TEAD1: variants seen among roughly 807,000 people sequenced by gnomAD.
TEAD1 encodes TEA domain transcription factor 1.
Under a neutral mutation model 54.9 loss-of-function variants are expected in TEAD1, and 9 were observed. That is an observed-to-expected ratio of 0.16 (90% confidence interval 0.10 to 0.29). The LOEUF is 0.29. Among genes scored for constraint, TEAD1 ranks in the 10% least tolerant of loss-of-function variants. TEAD1 has a pLI of 1.00. For synonymous variants in TEAD1, 200 were observed against 187.8 expected (o/e 1.07, Z -0.53); for missense variants, 387 against 535.9 (o/e 0.72, Z 2.74).
At chr11:12,700,340 A>T (rs754587440) in intron 2 of TEAD1, among the ~76,000 whole-genome samples, 2 of 152,178 alleles carry the variant, frequency 1.3e-5, no homozygotes, top group Non-Finnish European at 2.9e-5. Context: ...AGCATCATCC[A>T]TTTAAACCCT....
Position 12,802,014 on chromosome 11 carries a change from C to T in TEAD1, c.202+37580C>T, listed in dbSNP as rs762995270. ...GGTCACTGTGGAATGAGACAGAGCC[C>T]TCACTAGATTTTTGAGTCACTTGAG... On this transcript the variant is annotated intron_variant, in intron 3 of 12. Coordinates refer to ENST00000527636, the MANE Select transcript of TEAD1 (RefSeq NM_021961.6). Among the ~76,000 whole-genome samples the T allele has an allele frequency of 3.9e-5, 6 of 152,160 alleles. No homozygotes were observed. The South Asian group carries it at 1.2e-3, about 32-fold the overall frequency.
chr11:12,715,417 G>A (rs909272253), intron 2 of TEAD1, among the ~76,000 whole-genome samples: 9 of 152,154 alleles, frequency 5.9e-5, no homozygotes, highest in Admixed American at 3.3e-4. Flanking sequence ...TATGGGTCTC[G>A]GGTGATGGCT....
chr11:12,738,867 G>A (rs1944589675), intron 2 of TEAD1, among the ~76,000 whole-genome samples: 1 of 152,132 alleles, frequency 6.6e-6, no homozygotes, highest in Admixed American at 6.5e-5. Flanking sequence ...ACACACTCCA[G>A]TAAGACAAGG....
intron 3 of TEAD1, among the ~76,000 whole-genome samples, chr11:12,851,951 A>G (rs532235025): frequency 1.3e-5 from 2 of 152,340 alleles, no homozygotes; most frequent in Non-Finnish European, 1.5e-5. Context: ...GTGCAGCAGT[A>G]GCAGGGGTGC....
chr11:12,777,372 C>G (rs999444206), intron 3 of TEAD1, among the ~76,000 whole-genome samples: 1 of 152,148 alleles, frequency 6.6e-6, no homozygotes, highest in Non-Finnish European at 1.5e-5. Flanking sequence ...TATGCCTACC[C>G]TCTTCCCTGG....
chr11:12,894,673 A>G (rs540475794), intron 9 of TEAD1, among the ~76,000 whole-genome samples: 1 of 152,230 alleles, frequency 6.6e-6, no homozygotes, highest in Non-Finnish European at 1.5e-5. Flanking sequence ...CGATGGTAAC[A>G]TCAGAACAGA....
intron 3 of TEAD1, among the ~76,000 whole-genome samples, chr11:12,854,108 T>TTTCC (rs1332808286): frequency 6.6e-6 from 1 of 152,166 alleles, no homozygotes; most frequent in African/African-American, 2.4e-5. Flanking sequence ...TTCTGGTGAT[T>TTTCC]TTCCACATTG....
chr11:12,778,213 C>G (rs1472029047), intron 3 of TEAD1, among the ~76,000 whole-genome samples: 2 of 152,132 alleles, frequency 1.3e-5, no homozygotes, highest in Non-Finnish European at 2.9e-5. Flanking sequence ...TATATTTAAT[C>G]ATGAAAGTAG....
intron 3 of TEAD1, among the ~76,000 whole-genome samples, chr11:12,816,322 C>G (rs981196217): frequency 3.3e-5 from 5 of 152,210 alleles, no homozygotes; most frequent in African/African-American, 1.2e-4. Context: ...TTTGGAGGAG[C>G]ATTCTGAGAA....
At chr11:12,811,199 G>A (rs1432385840) in intron 3 of TEAD1, among the ~76,000 whole-genome samples, 2 of 152,236 alleles carry the variant, frequency 1.3e-5, no homozygotes, top group Non-Finnish European at 2.9e-5. Context: ...GGAAAGTAAA[G>A]CTTTCTTTCG....
intron 2 of TEAD1, among the ~76,000 whole-genome samples, chr11:12,701,558 G>A (rs1413916338): frequency 6.6e-6 from 1 of 152,170 alleles, no homozygotes; most frequent in Non-Finnish European, 1.5e-5. Flanking sequence ...GAAGGGTCAT[G>A]CCGGTGGGTT....
chr11:12,925,085 T>C (rs765690962), intron 11 of TEAD1, 33 bp downstream of exon 11: 19 of 1,612,980 alleles, frequency 1.2e-5, no homozygotes, highest in Non-Finnish European at 1.6e-5. Flanking sequence ...GAAACTTCAT[T>C]CAAGGGCAGA....
chr11:12,679,098 C>T (rs968738199), intron 2 of TEAD1, among the ~76,000 whole-genome samples: 1 of 151,978 alleles, frequency 6.6e-6, no homozygotes, highest in Non-Finnish European at 1.5e-5. Flanking sequence ...GAAACTCACT[C>T]GTTTCCTCTT....
intron 2 of TEAD1, among the ~76,000 whole-genome samples, chr11:12,708,478 G>A (rs977937518): frequency 4.6e-5 from 7 of 152,068 alleles, no homozygotes; most frequent in Admixed American, 2.6e-4. Flanking sequence ...AGCCTTAATT[G>A]GGATGGGGCT....
intron 2 of TEAD1, among the ~76,000 whole-genome samples, chr11:12,724,166 G>A (rs573544179): frequency 7.0e-4 from 106 of 152,174 alleles, no homozygotes; most frequent in Non-Finnish European, 1.2e-3. Context: ...TGTCCCCTCC[G>A]CAACAAACAC....
Position 12,928,973 on chromosome 11 carries a change from CCTAA to C in TEAD1, c.1015-1198_1015-1195del, listed in dbSNP as rs202077563. Among the ~76,000 whole-genome samples, 1,257 of 134,362 alleles carry C rather than the reference CCTAA, an allele frequency of 9.4e-3. 27 individuals carry two copies. Among genetic ancestry groups the C allele is most frequent in the Admixed American group, 0.051 (658 of 12,942 alleles). 88.1% of individuals were successfully genotyped at this position (134,362 alleles called of 152,430 possible). ...CAGTAGATCTCTTGAGCTTACTTCT[CCTAA>C]CTGAGATTTTATATCACTTGTGGCC... is the stretch of plus-strand genomic sequence containing the variant. On this transcript the variant is annotated intron_variant, in intron 11 of 12. Transcript: ENST00000527636.
At chr11:12,785,673 G>T (rs1945662904) in intron 3 of TEAD1, among the ~76,000 whole-genome samples, 1 of 152,136 alleles carries the variant, frequency 6.6e-6, no homozygotes, top group Non-Finnish European at 1.5e-5. Context: ...TAGGTTCCGG[G>T]AACTTACAGA....
At chr11:12,886,343 C>T (rs906644086) in intron 9 of TEAD1, among the ~76,000 whole-genome samples, 1 of 152,176 alleles carries the variant, frequency 6.6e-6, no homozygotes, top group Non-Finnish European at 1.5e-5. Context: ...GACTCCACCA[C>T]ATGACTTAAA....
In TEAD1 at chr11:12,864,071, C is replaced by CAA. The variant is rs35076560; in HGVS notation, c.268-753_268-752dup. Among the ~76,000 whole-genome samples the CAA allele has an allele frequency of 2.1e-5, 3 of 140,362 alleles. No individual in the cohort carries two copies. In the South Asian group the frequency reaches 6.9e-4, roughly 32 times the overall value. The allele number at this position is 140,362 out of a possible 152,430, so 92.1% of individuals were successfully genotyped here. ...GAAGGATTAAAGATTTTTATAAGGG[C>CAA]AAAAAAAAAAAAAAATAGCTCTGCT... On this transcript the variant is annotated intron_variant, in intron 4 of 12. Coordinates refer to ENST00000527636, the MANE Select transcript of TEAD1 (RefSeq NM_021961.6).
Sources: allele counts gnomAD v4.1 joint callset (sites outside exome capture counted in the v4.1 genomes callset), GRCh38; gene constraint gnomAD v4.1.1; transcripts MANE v1.5; gene names NCBI Gene and HGNC (gene_info 2026-07-23, HGNC 2026-07-21).